Variants in TMED10 observed in about 807,000 individuals in gnomAD.
The protein encoded by TMED10 is transmembrane p24 trafficking protein 10, also known as transmembrane emp24 domain-containing protein 10.
In TMED10, 7 loss-of-function variants were observed where a neutral mutation model predicts 23.1. The ratio of observed to expected loss-of-function variants is 0.30; its 90% CI spans 0.17 to 0.57. TMED10 has a LOEUF of 0.57. TMED10 is among the 20% of genes least tolerant of loss of function. TMED10 has a pLI of 0.91. For synonymous variants in TMED10, 113 were observed against 106.9 expected (o/e 1.06, Z -0.35); for missense variants, 162 against 274.8 (o/e 0.59, Z 2.90).
intron 3 of TMED10, among the ~76,000 whole-genome samples, chr14:75,147,183 C>CTTTTT: frequency 1.3e-5 from 1 of 77,804 alleles, no homozygotes; most frequent in Non-Finnish European, 2.2e-5. Context: ...TTCTTCAAGG[C>CTTTTT]TGTTTTTTTT....
At chr14:75,152,180 A>AAT in intron 1 of TMED10, 37 bp from the exon 2 acceptor site, 1 of 1,530,718 alleles carries the variant, frequency 6.5e-7, no homozygotes, top group Non-Finnish European at 9.0e-7. Flanking sequence ...GGCAGCAAAT[A>AAT]ACACTCAGGA....
chr14:75,172,810 G>C (rs1896250842), intron 1 of TMED10, among the ~76,000 whole-genome samples: 1 of 152,146 alleles, frequency 6.6e-6, no homozygotes, highest in African/African-American at 2.4e-5. Context: ...ATGAGTAATG[G>C]GTAGAAAGGT....
intron 2 of TMED10, among the ~76,000 whole-genome samples, chr14:75,151,775 A>C (rs533880151): frequency 6.6e-6 from 1 of 152,184 alleles, no homozygotes; most frequent in African/African-American, 2.4e-5. Flanking sequence ...ACAACCATAT[A>C]ATGACATGTA....
In TMED10 at chr14:75,157,753, A is replaced by G. The variant is rs1423125617; in HGVS notation, c.226-5610T>C. Among the ~76,000 whole-genome samples the G allele has an allele frequency of 3.9e-5, 6 of 152,148 alleles. No individual in the cohort carries two copies. The East Asian group carries it at 7.7e-4, about 20-fold the overall frequency. ...TCAGGTGTTTCAGACCAGCCTGGCC[A>G]ACGTGGCGAAACCCCGTCTCTACTA... On this transcript the variant is annotated intron_variant, in intron 1 of 4. Coordinates refer to ENST00000303575, the MANE Select transcript of TMED10 (RefSeq NM_006827.6).
At chr14:75,150,749 C>A in intron 2 of TMED10, among the ~76,000 whole-genome samples, 1 of 152,170 alleles carries the variant, frequency 6.6e-6, no homozygotes, top group Non-Finnish European at 1.5e-5. Flanking sequence ...AATCACCTAA[C>A]CACCATTTCT....
chr14:75,155,850 T>C (rs1464648479), intron 1 of TMED10, among the ~76,000 whole-genome samples: 1 of 152,200 alleles, frequency 6.6e-6, no homozygotes, highest in Non-Finnish European at 1.5e-5. Flanking sequence ...TACTAATAGC[T>C]AGTATTTACT....
intron 1 of TMED10, among the ~76,000 whole-genome samples, chr14:75,175,712 C>T (rs1896296426): frequency 6.6e-6 from 1 of 150,990 alleles, no homozygotes; most frequent in Non-Finnish European, 1.5e-5. Context: ...GAAAGTTGTG[C>T]GCATGTACCC....
intron 1 of TMED10, among the ~76,000 whole-genome samples, chr14:75,164,565 AT>A (rs1484039704): frequency 8.6e-4 from 2 of 2,334 alleles, no homozygotes; most frequent in African/African-American, 2.2e-3. Context: ...ATATATATAT[AT>A]ATATATATAT....
chr14:75,141,013 C>G (rs536163853), intron 3 of TMED10, among the ~76,000 whole-genome samples: 1 of 152,086 alleles, frequency 6.6e-6, no homozygotes, highest in South Asian at 2.1e-4. Context: ...AAGGCCTTAA[C>G]GTTTTTTTCT....
chr14:75,174,348 C>A (rs1236272867), intron 1 of TMED10, among the ~76,000 whole-genome samples: 1 of 152,086 alleles, frequency 6.6e-6, no homozygotes, highest in Non-Finnish European at 1.5e-5. Context: ...AAGAGCACAA[C>A]AAAGCATGTT....
At chr14:75,148,282 T>G (rs1198813971) in intron 2 of TMED10, among the ~76,000 whole-genome samples, 2 of 152,090 alleles carry the variant, frequency 1.3e-5, no homozygotes, top group Non-Finnish European at 2.9e-5. Flanking sequence ...GAACATAAGT[T>G]TTATCTAATA....
At position 75,135,023 on chromosome 14, in the gene TMED10, G is replaced by A; in HGVS notation, c.539-17C>T. On this transcript the variant is annotated splice_polypyrimidine_tract_variant and intron_variant, in intron 4 of 4. Transcript: ENST00000303575. ...TTGTTGACTCTAAAAAAAAACAAAAGCATTGTAAACATAATGAAGTGAGCC... is the reference window on the plus strand; with the variant it reads ...TTGTTGACTCTAAAAAAAAACAAAAACATTGTAAACATAATGAAGTGAGCC... 1.9e-6 allele frequency: 3 copies of A among 1,613,536 alleles called. No homozygotes were observed. Among genetic ancestry groups the A allele is most frequent in the Non-Finnish European group, 2.5e-6 (3 of 1,179,704 alleles).
At chr14:75,137,659 A>G (rs1421617354) in intron 3 of TMED10, among the ~76,000 whole-genome samples, 1 of 146,116 alleles carries the variant, frequency 6.8e-6, no homozygotes, top group Non-Finnish European at 1.5e-5. Flanking sequence ...TGGGTGACAG[A>G]GCGAGACTCC....
At chr14:75,172,392 C>T (rs777998808) in intron 1 of TMED10, among the ~76,000 whole-genome samples, 1 of 151,834 alleles carries the variant, frequency 6.6e-6, no homozygotes, top group Non-Finnish European at 1.5e-5. Flanking sequence ...ACTGCAACTT[C>T]CGCCTCCCAG....
At chr14:75,156,478 C>T (rs1896020156) in intron 1 of TMED10, among the ~76,000 whole-genome samples, 1 of 152,060 alleles carries the variant, frequency 6.6e-6, no homozygotes. Flanking sequence ...ACTGGACCAG[C>T]ACAAGCCATA....
At chr14:75,160,773 C>T (rs543335140) in intron 1 of TMED10, among the ~76,000 whole-genome samples, 2 of 152,248 alleles carry the variant, frequency 1.3e-5, no homozygotes, top group East Asian at 1.9e-4. Context: ...GGGATGGGCA[C>T]GGTGGCTCAT....
rs919043153 is a variant in TMED10 at position 75,132,393 on chromosome 14, C to CG, written c.*2491_*2492insC. On this transcript the variant is annotated 3_prime_UTR_variant, in exon 5 of 5. Coordinates refer to ENST00000303575, the MANE Select transcript of TMED10 (RefSeq NM_006827.6). ...TTGCAGCAAGACTCCGTCCCCCCCC[C>CG]CCCAAAAAAAAAAAAGTTTAAGGAT... The CG allele has an allele frequency of 5.0e-5, 6 of 119,816 alleles. No homozygotes were observed. The highest frequency in any genetic ancestry group is 1.6e-4 in the Admixed American group (2 of 12,626). The allele number at this position is 119,816 out of a possible 1,614,324, so 7.4% of individuals were successfully genotyped here.
At chr14:75,140,258 G>C (rs1282682390) in intron 3 of TMED10, among the ~76,000 whole-genome samples, 2 of 151,788 alleles carry the variant, frequency 1.3e-5, no homozygotes, top group Non-Finnish European at 2.9e-5. Flanking sequence ...GTGCCACCAC[G>C]CCCAGCTAAT....
Position 75,176,435 on chromosome 14 carries a change from G to T in TMED10, c.145C>A (p.His49Asn). ...GCGCCAGTCACTAGCAGGTCCTTGT[G>T]AATCTCCTCACGGAGGCACTTGCGA... Reference protein sequence around the residue: ...NSRKCLREEIHKDLLVTGAYE... With the variant: ...NSRKCLREEINKDLLVTGAYE... The change falls in exon 1 of 5, where the codon CAC becomes AAC. Residue 49 changes from histidine (H) to asparagine (N), a missense_variant. Transcript: ENST00000303575. 6.2e-7 allele frequency: 1 copy of T among 1,614,224 alleles called. No homozygotes were observed. The highest frequency in any genetic ancestry group is 8.5e-7 in the Non-Finnish European group (1 of 1,180,042).
Sources: allele counts gnomAD v4.1 joint callset (sites outside exome capture counted in the v4.1 genomes callset), GRCh38; gene constraint gnomAD v4.1.1; transcripts MANE v1.5; gene names NCBI Gene and HGNC (gene_info 2026-07-23, HGNC 2026-07-21).